ATRX: variants seen among roughly 807,000 people sequenced by gnomAD.
ATRX encodes the protein ATRX chromatin remodeler, also known as chromatin remodeler ATRX.
ATRX carries 12 observed loss-of-function variants against 172.6 expected under a neutral mutation model. That is an observed-to-expected ratio of 0.07 (90% CI 0.04 to 0.11). The LOEUF (loss-of-function observed/expected upper bound fraction) is 0.11, where lower values mean the gene tolerates loss of function less well. Among genes scored for constraint, ATRX ranks in the 10% least tolerant of loss-of-function variants. ATRX has a pLI of 1.00. For synonymous variants in ATRX, 674 were observed against 594.7 expected (o/e 1.13, Z -1.94); for missense variants, 1,368 against 1,767.4 (o/e 0.77, Z 4.05).
At chrX:77,539,020 G>A (rs782098251) in intron 30 of ATRX, among the ~76,000 whole-genome samples, 146 of 108,550 alleles carry the variant, frequency 1.3e-3, no homozygotes, top group Non-Finnish European at 2.5e-3. Context: ...TCAGCCTCCC[G>A]AGTAGCTGGG....
At chrX:77,554,261 T>C (rs2064679531) in intron 30 of ATRX, among the ~76,000 whole-genome samples, 1 of 110,998 alleles carries the variant, frequency 9.0e-6, no homozygotes, top group African/African-American at 3.3e-5. Flanking sequence ...GCCGAGATCA[T>C]GCCGCTGCAC....
At chrX:77,521,282 C>T (rs1362464164) in intron 33 of ATRX, 121 bp downstream of exon 33, 2 of 566,482 alleles carry the variant, frequency 3.5e-6, no homozygotes, top group Non-Finnish European at 5.9e-6. Flanking sequence ...TCCATTTTAC[C>T]AGTATTTTAC....
chrX:77,511,443 C>A (rs949709853), intron 34 of ATRX, among the ~76,000 whole-genome samples: 2 of 111,530 alleles, frequency 1.8e-5, no homozygotes, highest in African/African-American at 3.3e-5. Context: ...CCAGGAAACA[C>A]GACATCACCA....
chrX:77,620,272 C>T (rs1323697739), intron 20 of ATRX, 123 bp downstream of exon 20: 11 of 735,490 alleles, frequency 1.5e-5, no homozygotes, highest in African/African-American at 2.1e-5. Context: ...CTAAGATGAA[C>T]CTATGTAGAT....
chrX:77,659,786 T>C (rs1302906513), intron 12 of ATRX, among the ~76,000 whole-genome samples: 3 of 112,003 alleles, frequency 2.7e-5, no homozygotes, highest in Non-Finnish European at 5.6e-5. Context: ...CATTTCAATT[T>C]AATTCAACTA....
intron 2 of ATRX, among the ~76,000 whole-genome samples, chrX:77,708,885 T>C (rs2072970475): frequency 8.9e-6 from 1 of 112,086 alleles, no homozygotes; most frequent in Non-Finnish European, 1.9e-5. Context: ...GTATGGCATG[T>C]AAATTATATT....
At chrX:77,733,889 A>C (rs1197880145) in intron 1 of ATRX, among the ~76,000 whole-genome samples, 2 of 101,717 alleles carry the variant, frequency 2.0e-5, no homozygotes, top group East Asian at 6.4e-4. Flanking sequence ...CTCTCAGAAA[A>C]ATAAATAAAA....
At chrX:77,613,035 A>G (rs1381323572) in intron 22 of ATRX, among the ~76,000 whole-genome samples, 2 of 111,288 alleles carry the variant, frequency 1.8e-5, no homozygotes, top group Non-Finnish European at 3.8e-5. Context: ...TTTTGCCATT[A>G]TGAATGATGC....
At chrX:77,551,856 G>A (rs1025691166) in intron 30 of ATRX, among the ~76,000 whole-genome samples, 43 of 111,993 alleles carry the variant, frequency 3.8e-4, no homozygotes, top group African/African-American at 1.3e-3. Flanking sequence ...GCAGCCAACA[G>A]ACACATGAAA....
chrX:77,560,054 A>G (rs1874178393), intron 28 of ATRX, among the ~76,000 whole-genome samples: 1 of 111,819 alleles, frequency 8.9e-6, no homozygotes, highest in South Asian at 3.7e-4. Flanking sequence ...GAAAGGATGT[A>G]TGTAAGTAAG....
At chrX:77,715,244 ACT>A (rs1416387301) in intron 2 of ATRX, among the ~76,000 whole-genome samples, 2 of 112,021 alleles carry the variant, frequency 1.8e-5, no homozygotes, top group Non-Finnish European at 3.8e-5. Context: ...AGATTATAAT[ACT>A]GTATTTTTAC....
chrX:77,640,451 T>C (rs1239830138), intron 15 of ATRX, among the ~76,000 whole-genome samples: 2 of 110,928 alleles, frequency 1.8e-5, no homozygotes, highest in Non-Finnish European at 3.8e-5. Flanking sequence ...ATATCTGAAT[T>C]GAAGGGAAAA....
intron 34 of ATRX, among the ~76,000 whole-genome samples, chrX:77,515,239 C>G (rs1440716470): frequency 9.0e-6 from 1 of 111,626 alleles, no homozygotes; most frequent in African/African-American, 3.3e-5. Flanking sequence ...CCCTGCAATC[C>G]TATTACTGGG....
intron 33 of ATRX, 103 bp from the exon 34 acceptor site, chrX:77,521,019 CT>C: frequency 1.1e-6 from 1 of 872,875 alleles, no homozygotes; most frequent in Non-Finnish European, 1.6e-6. Context: ...TCAAACCCCC[CT>C]TTTCCTTTAT....
At chrX:77,675,188 G>C (rs2070804759) in intron 10 of ATRX, 1 of 111,774 alleles carries the variant, frequency 8.9e-6, no homozygotes, top group Non-Finnish European at 1.9e-5. Context: ...TTTTCTTAAT[G>C]TTAGAACTTA....
intron 10 of ATRX, chrX:77,675,857 C>A: frequency 7.0e-6 from 1 of 143,091 alleles, no homozygotes. Flanking sequence ...TAACAATAGT[C>A]AAATATAGAG....
In ATRX at chrX:77,589,816, G is replaced by A. The variant is rs2148088043; in HGVS notation, c.6217+18C>T. 8.7e-7 allele frequency: 1 copy of A among 1,149,080 alleles called. No individual in the cohort carries two copies. Among genetic ancestry groups the A allele is most frequent in the Non-Finnish European group, 1.2e-6 (1 of 840,505 alleles). 94.7% of individuals were successfully genotyped at this position (1,149,080 alleles called of 1,213,427 possible). On this transcript the variant is annotated intron_variant, in intron 27 of 34. Coordinates refer to ENST00000373344, the MANE Select transcript of ATRX (RefSeq NM_000489.6). ...TCAGTATTTTTAAAATTACGACACA[G>A]AAATATTTGTAGCTCACCTTTATAA...
chrX:77,738,558 CTTTT>C (rs781834798), intron 1 of ATRX, among the ~76,000 whole-genome samples: 1 of 73,543 alleles, frequency 1.4e-5, no homozygotes, highest in African/African-American at 5.2e-5. Flanking sequence ...TCTTTTGTGT[CTTTT>C]TTTTTTTTTT....
At chrX:77,716,793 A>G (rs1164072788) in intron 2 of ATRX, among the ~76,000 whole-genome samples, 1 of 111,978 alleles carries the variant, frequency 8.9e-6, no homozygotes, top group Non-Finnish European at 1.9e-5. Context: ...TTGCTAGGAC[A>G]AAACATTCCT....
Sources: allele counts gnomAD v4.1 joint callset (sites outside exome capture counted in the v4.1 genomes callset), GRCh38; gene constraint gnomAD v4.1.1; transcripts MANE v1.5; gene names NCBI Gene and HGNC (gene_info 2026-07-23, HGNC 2026-07-21).